LRGUK: variants seen among roughly 807,000 people sequenced by gnomAD.
The protein encoded by LRGUK is leucine rich repeats and guanylate kinase domain containing.
In LRGUK, 65 loss-of-function variants were observed where a neutral mutation model predicts 76.0. The ratio of observed to expected loss-of-function variants is 0.85; its 90% CI spans 0.70 to 1.05. LRGUK has a LOEUF of 1.05. Among genes scored for constraint, LRGUK ranks in the 50% least tolerant of loss-of-function variants. The pLI is 0.00. For missense variants in LRGUK, 758 were observed against 732.8 expected (o/e 1.03, Z -0.40); for synonymous variants, 268 against 265.6 (o/e 1.01, Z -0.09).
chr7:134,145,572 A>C (rs1225630728), intron 4 of LRGUK, among the ~76,000 whole-genome samples: 1 of 152,066 alleles, frequency 6.6e-6, no homozygotes, highest in East Asian at 1.9e-4. Flanking sequence ...GTATTATTTA[A>C]TCCTCCCAGT....
At chr7:134,220,579 C>CT (rs202144898) in intron 15 of LRGUK, among the ~76,000 whole-genome samples, 13,474 of 144,972 alleles carry the variant, frequency 0.093, 935 homozygotes, top group East Asian at 0.38. Context: ...TCTTCTTCTT[C>CT]TTTTTTTTTT....
At chr7:134,172,303 T>TA (rs998544558) in intron 7 of LRGUK, among the ~76,000 whole-genome samples, 3 of 152,198 alleles carry the variant, frequency 2.0e-5, no homozygotes, top group Non-Finnish European at 4.4e-5. Context: ...TTCTTGTATC[T>TA]AATTTTTTTA....
chr7:134,260,107 T>C (rs1214780400), intron 19 of LRGUK, among the ~76,000 whole-genome samples: 2 of 152,156 alleles, frequency 1.3e-5, no homozygotes, highest in Non-Finnish European at 2.9e-5. Context: ...CTGCACAATA[T>C]TGGGCAAATC....
chr7:134,193,593 T>C (rs1414247202), intron 12 of LRGUK, among the ~76,000 whole-genome samples: 2 of 152,242 alleles, frequency 1.3e-5, no homozygotes, highest in African/African-American at 2.4e-5. Flanking sequence ...TTACTGCTTC[T>C]GATAACATAT....
At chr7:134,257,908 A>G (rs1451349448) in intron 18 of LRGUK, among the ~76,000 whole-genome samples, 1 of 152,182 alleles carries the variant, frequency 6.6e-6, no homozygotes, top group East Asian at 1.9e-4. Flanking sequence ...TCTATCCTTG[A>G]AATAGCACTG....
chr7:134,227,510 A>G (rs1801793797), intron 16 of LRGUK, among the ~76,000 whole-genome samples: 1 of 152,228 alleles, frequency 6.6e-6, no homozygotes, highest in African/African-American at 2.4e-5. Flanking sequence ...ACATAAGGAC[A>G]TGGGAAAACA....
chr7:134,141,868 A>C (rs551043089), intron 3 of LRGUK, among the ~76,000 whole-genome samples: 1 of 152,320 alleles, frequency 6.6e-6, no homozygotes, highest in Admixed American at 6.5e-5. Context: ...GTCTCAAAGT[A>C]CTGTCTCTCC....
intron 5 of LRGUK, among the ~76,000 whole-genome samples, chr7:134,151,926 AC>A (rs1318200878): frequency 7.9e-5 from 12 of 152,126 alleles, no homozygotes; most frequent in African/African-American, 2.9e-4. Context: ...TATTTGAAAC[AC>A]ACTTTATCCT....
intron 19 of LRGUK, among the ~76,000 whole-genome samples, chr7:134,262,768 C>T (rs185784517): frequency 2.6e-5 from 4 of 152,024 alleles, no homozygotes; most frequent in East Asian, 1.9e-4. Context: ...AGGAATTCAA[C>T]GTTAGCCTGG....
intron 1 of LRGUK, among the ~76,000 whole-genome samples, chr7:134,129,971 T>G (rs1171942973): frequency 1.3e-5 from 2 of 152,214 alleles, no homozygotes; most frequent in African/African-American, 2.4e-5. Context: ...GTGTCTTCTG[T>G]TACTCTGATT....
chr7:134,249,159 A>G, intron 18 of LRGUK, 83 bp downstream of exon 18: 7 of 1,373,906 alleles, frequency 5.1e-6, no homozygotes, highest in Non-Finnish European at 6.7e-6. Flanking sequence ...TAAGCTTCAG[A>G]GAAATCCTAA....
chr7:134,173,697 G>C (rs7804209), intron 7 of LRGUK, among the ~76,000 whole-genome samples: 21,752 of 151,980 alleles, frequency 0.14, 2,210 homozygotes, highest in East Asian at 0.38. Context: ...AAGTGTACAA[G>C]TTAGCTAAAG....
At chr7:134,169,030 GGGTGTTTGCA>G (rs925562522) in intron 7 of LRGUK, among the ~76,000 whole-genome samples, 1 of 152,006 alleles carries the variant, frequency 6.6e-6, no homozygotes, top group African/African-American at 2.4e-5. Flanking sequence ...ATGTGGAAAG[GGGTGTTTGCA>G]GATGTAATCA....
chr7:134,245,029 A>T, intron 16 of LRGUK, among the ~76,000 whole-genome samples: 1 of 145,690 alleles, frequency 6.9e-6, no homozygotes, highest in Non-Finnish European at 1.5e-5. Flanking sequence ...AGGGTGGGGA[A>T]CATCACAGGG....
intron 18 of LRGUK, among the ~76,000 whole-genome samples, chr7:134,251,190 A>C (rs1306680640): frequency 2.0e-5 from 3 of 152,114 alleles, no homozygotes; most frequent in Non-Finnish European, 4.4e-5. Context: ...CTGCAGATGT[A>C]ATTTGTTAAG....
chr7:134,264,063 TTCTCAC>T, exon 20 of LRGUK: 3 of 1,364,968 alleles, frequency 2.2e-6, no homozygotes, highest in Non-Finnish European at 2.9e-6. Flanking sequence ...GTCCAGCTGT[TTCTCAC>T]TCAACCCATT....
chr7:134,171,125 GTCAAGCAA>G (rs1398525637), intron 7 of LRGUK, among the ~76,000 whole-genome samples: 1 of 138,094 alleles, frequency 7.2e-6, no homozygotes, highest in Non-Finnish European at 1.6e-5. Flanking sequence ...AATATAGGAA[GTCAAGCAA>G]TCTTTTTTTT....
At chr7:134,232,511 C>G (rs1801926181) in intron 16 of LRGUK, among the ~76,000 whole-genome samples, 1 of 152,118 alleles carries the variant, frequency 6.6e-6, no homozygotes, top group Non-Finnish European at 1.5e-5. Context: ...AACTCCTGAC[C>G]TCGTGATCTG....
intron 7 of LRGUK, among the ~76,000 whole-genome samples, chr7:134,172,161 A>G (rs1799282227): frequency 6.6e-6 from 1 of 152,220 alleles, no homozygotes; most frequent in Non-Finnish European, 1.5e-5. Flanking sequence ...CATTGTAAAT[A>G]TCACTATCTT....
Sources: allele counts gnomAD v4.1 joint callset (sites outside exome capture counted in the v4.1 genomes callset), GRCh38; gene constraint gnomAD v4.1.1; transcripts MANE v1.5; gene names NCBI Gene and HGNC (gene_info 2026-07-23, HGNC 2026-07-21).